The following ASPH variants were observed in gnomAD, a reference collection of about 807,000 sequenced individuals.
ASPH encodes aspartate beta-hydroxylase, also known as aspartyl/asparaginyl beta-hydroxylase.
In ASPH, 100 loss-of-function variants were observed where a neutral mutation model predicts 118.4. The observed-to-expected ratio is 0.84, with a 90% CI of 0.72 to 1.00. The LOEUF is 1.00. Ranked by LOEUF, ASPH falls within the 50% of genes least tolerant of loss-of-function variation. The probability of loss-of-function intolerance (pLI) is 0.00; values close to 1 mark genes in which losing one functional copy is unlikely to be tolerated. For synonymous variants in ASPH, 315 were observed against 325.6 expected, an observed-to-expected ratio of 0.97 and a Z score of 0.35; for missense variants, 920 against 919.5, an observed-to-expected ratio of 1.00 and a Z score of -0.01.
At chr8:61,563,802 G>C (rs1236748477) in intron 17 of ASPH, among the ~76,000 whole-genome samples, 1 of 152,090 alleles carries the variant, frequency 6.6e-6, no homozygotes. Context: ...CTTTCTTCTA[G>C]AAATCTCCTA....
chr8:61,524,610 A>G (rs986817689), intron 22 of ASPH, among the ~76,000 whole-genome samples: 2 of 152,252 alleles, frequency 1.3e-5, no homozygotes, highest in African/African-American at 4.8e-5. Context: ...AGTTCATGGA[A>G]AATCAGGTAT....
chr8:61,570,085 G>A (rs67425465), intron 16 of ASPH, among the ~76,000 whole-genome samples: 14,669 of 152,128 alleles, frequency 0.096, 1,014 homozygotes, highest in East Asian at 0.28. Flanking sequence ...AGCTGAAAAC[G>A]TCGTAAGTCA....
intron 2 of ASPH, 31 bp from the exon 3 acceptor site, chr8:61,681,067 A>G: frequency 2.6e-6 from 4 of 1,516,206 alleles, no homozygotes; most frequent in South Asian, 1.3e-5. Context: ...TGGATATGGG[A>G]ATAAAAAAGA....
chr8:61,627,073 A>G (rs1421033835), intron 13 of ASPH, among the ~76,000 whole-genome samples: 2 of 152,330 alleles, frequency 1.3e-5, no homozygotes, highest in East Asian at 1.9e-4. Context: ...TGTAAGTGGA[A>G]TTGTTTGGGA....
chr8:61,562,802 A>G lies in ASPH; in HGVS notation c.1379T>C (p.Leu460Pro). ...TCCTATCAAGAGGTATCCCACGCCA[A>G]GGTCATTTTTTAAGGAAGTATCATT... ...FPNDTSLKND[L>P]GVGYLLIGDN... The change falls in exon 18 of 25, where the codon CTT (leucine) becomes CCT (proline). Residue 460 changes from leucine (L) to proline (P), a missense_variant. Leu to Pro is a moderately conservative substitution (Grantham distance 98). Transcript: ENST00000379454. The G allele has an allele frequency of 6.2e-7, 1 of 1,612,888 alleles. No individual in the cohort carries two copies. The highest frequency in any genetic ancestry group is 1.1e-5 in the South Asian group (1 of 90,856).
intron 1 of ASPH, among the ~76,000 whole-genome samples, chr8:61,710,196 A>C (rs559192921): frequency 6.6e-6 from 1 of 152,318 alleles, no homozygotes; most frequent in East Asian, 1.9e-4. Context: ...ACATTTAAGG[A>C]GGCTGGGAAC....
At position 61,503,359 on chromosome 8, in the gene ASPH, C is replaced by T. The variant is rs1485302739; in HGVS notation, c.2277G>A (p.Ter759=). 3 of 1,602,634 alleles carry T rather than the reference C, an allele frequency of 1.9e-6. No homozygotes were observed. The highest frequency in any genetic ancestry group is 2.6e-6 in the Non-Finnish European group (3 of 1,173,430). The change falls in exon 25 of 25, where the codon TAG becomes TAA. Residue 759 remains the stop codon, a stop_retained_variant. Coordinates refer to ENST00000379454, the MANE Select transcript of ASPH (RefSeq NM_004318.4). ...TTTCCCAAGCTTGCATGAATTCATG[C>T]TAAATTGCTGGAAGGCTGCGTCTCT... is the stretch of plus-strand genomic sequence containing the variant. ...PQQRRSLPAI[*] is the part of the protein sequence containing the mutation.
intron 1 of ASPH, among the ~76,000 whole-genome samples, chr8:61,692,927 A>G (rs1188337350): frequency 6.9e-6 from 1 of 144,858 alleles, no homozygotes; most frequent in Admixed American, 7.2e-5. Flanking sequence ...CCAGACCATC[A>G]TTTCCTTACC....
chr8:61,520,811 C>G (rs1245609963), intron 22 of ASPH, among the ~76,000 whole-genome samples: 1 of 152,128 alleles, frequency 6.6e-6, no homozygotes, highest in Admixed American at 6.6e-5. Flanking sequence ...CTCACAAGCA[C>G]CAGGTGGCTG....
chr8:61,605,174 C>T (rs557219832), intron 14 of ASPH, among the ~76,000 whole-genome samples: 1 of 152,306 alleles, frequency 6.6e-6, no homozygotes, highest in South Asian at 2.1e-4. Context: ...CTTTCTCTTG[C>T]ACTTAAAGAC....
chr8:61,626,222 G>A (rs370136413), intron 13 of ASPH: 91 of 1,493,152 alleles, frequency 6.1e-5, no homozygotes, highest in Admixed American at 7.6e-5. Context: ...CTTTTGGAGC[G>A]TATGGTTAGG....
intron 21 of ASPH, among the ~76,000 whole-genome samples, chr8:61,532,750 T>C (rs913273382): frequency 3.3e-5 from 5 of 152,192 alleles, no homozygotes; most frequent in South Asian, 2.1e-4. Context: ...GATAGTATAG[T>C]GTTTAGGGGT....
At chr8:61,553,950 G>A (rs916817458) in intron 19 of ASPH, among the ~76,000 whole-genome samples, 1 of 152,214 alleles carries the variant, frequency 6.6e-6, no homozygotes, top group African/African-American at 2.4e-5. Flanking sequence ...AAATGAGCAA[G>A]CTGCACGATA....
intron 15 of ASPH, chr8:61,579,332 G>C: frequency 6.2e-7 from 1 of 1,614,236 alleles, no homozygotes; most frequent in African/African-American, 1.3e-5. Flanking sequence ...CACGGCAGCT[G>C]CGTGAGTACC....
intron 1 of ASPH, among the ~76,000 whole-genome samples, chr8:61,713,864 CAGG>C (rs1838683574): frequency 1.3e-5 from 2 of 152,224 alleles, no homozygotes; most frequent in Non-Finnish European, 2.9e-5. Context: ...GCTGGTTAGG[CAGG>C]AACTCACTTT....
At chr8:61,699,220 A>G (rs1834664949) in intron 1 of ASPH, among the ~76,000 whole-genome samples, 1 of 152,248 alleles carries the variant, frequency 6.6e-6, no homozygotes, top group Non-Finnish European at 1.5e-5. Flanking sequence ...TAAACAGGTG[A>G]TGCCCTAACA....
intron 3 of ASPH, among the ~76,000 whole-genome samples, chr8:61,671,522 T>C (rs1588999166): frequency 6.6e-6 from 1 of 152,166 alleles, no homozygotes; most frequent in South Asian, 2.1e-4. Context: ...TATATTCCAA[T>C]TTAAGAAATA....
At chr8:61,668,103 T>C (rs1398657360) in intron 3 of ASPH, 3 of 792,996 alleles carry the variant, frequency 3.8e-6, no homozygotes, top group East Asian at 2.9e-5. Context: ...ATAACCTAAG[T>C]TGCACCCAAG....
At chr8:61,704,031 T>C (rs1252190602) in intron 1 of ASPH, among the ~76,000 whole-genome samples, 1 of 150,926 alleles carries the variant, frequency 6.6e-6, no homozygotes, top group African/African-American at 2.4e-5. Flanking sequence ...CCGTCTCTAC[T>C]AAAAATACAA....
Sources: allele counts gnomAD v4.1 joint callset (sites outside exome capture counted in the v4.1 genomes callset), GRCh38; gene constraint gnomAD v4.1.1; transcripts MANE v1.5; gene names NCBI Gene and HGNC (gene_info 2026-07-23, HGNC 2026-07-21).